Variants in INTS6 observed in about 807,000 individuals in gnomAD.
INTS6 encodes DEAD box protein.
Under a neutral mutation model 104.9 loss-of-function variants are expected in INTS6, and 16 were observed. The observed-to-expected ratio is 0.15, with a 90% CI of 0.10 to 0.23. INTS6 has a LOEUF of 0.23. Among genes scored for constraint, INTS6 ranks in the 10% least tolerant of loss-of-function variants. The pLI is 1.00. For synonymous variants in INTS6, 324 were observed against 358.7 expected (o/e 0.90, Z 1.09); for missense variants, 584 against 1,062.8 (o/e 0.55, Z 6.26).
chr13:51,423,029 C>G, intron 4 of INTS6: 2 of 1,265,950 alleles, frequency 1.6e-6, no homozygotes, highest in Non-Finnish European at 2.1e-6. Flanking sequence ...TATTTACTTG[C>G]CTGTCTTCAA....
At chr13:51,445,835 G>A (rs879623452) in intron 3 of INTS6, 1 of 152,152 alleles carries the variant, frequency 6.6e-6, no homozygotes, top group African/African-American at 2.4e-5. Context: ...AATGGGAAAG[G>A]GCAAGTCTCT....
At chr13:51,420,657 C>G (rs144674904) in intron 4 of INTS6, among the ~76,000 whole-genome samples, 15 of 150,482 alleles carry the variant, frequency 1.0e-4, no homozygotes, top group Admixed American at 3.3e-4. Flanking sequence ...ACAGACAAAG[C>G]AAATGCAAAC....
chr13:51,378,399 T>C lies in INTS6; in HGVS notation c.1442A>G (p.Glu481Gly), dbSNP rs139832932. Reference sequence around the variant, plus strand: ...TCGGCTCCGGACTTTTATTCCAGTCTCCTGTACTACTTTTTTGCCTACAGA... The same window carrying C: ...TCGGCTCCGGACTTTTATTCCAGTCCCCTGTACTACTTTTTTGCCTACAGA... ...IGSVGKKVVQETGIKVRSRSH... is the reference protein window; with the variant it reads ...IGSVGKKVVQGTGIKVRSRSH... Residue 481 changes from glutamate to glycine, a missense_variant, in exon 12 of 18, where the codon GAG becomes GGG. This residue lies in a region of INTS6 where 74 missense variants were observed against 64.4 expected (regional missense o/e 1.15). Transcript: ENST00000311234. The C allele has an allele frequency of 1.3e-5, 21 of 1,613,376 alleles. No homozygotes were observed. In the African/African-American group the frequency reaches 1.9e-4, roughly 14 times the overall value.
At position 51,361,940 on chromosome 13, in the gene INTS6, C is replaced by T. The variant is rs1390789343; in HGVS notation, c.*3812G>A. 1 of 1,611,904 alleles carries T rather than the reference C, an allele frequency of 6.2e-7. No homozygotes were observed. Among genetic ancestry groups the T allele is most frequent in the South Asian group, 1.1e-5 (1 of 90,974 alleles). On this transcript the variant is annotated 3_prime_UTR_variant, in exon 18 of 18. Transcript: ENST00000311234. ...GGATTCAGATAATTTATCAGTGTCT[C>T]TCTAGCAACAAGGGCTCATTTGTCC...
At chr13:51,340,961 C>T in the INTS6 span, 1 of 1,029,876 alleles carries the variant, frequency 9.7e-7, no homozygotes, top group South Asian at 1.6e-5. Context: ...ATCTCTCCCT[C>T]AGCCGTCCCT....
chr13:51,430,098 C>T, intron 4 of INTS6, 196 bp downstream of exon 4: 1 of 478,078 alleles, frequency 2.1e-6, no homozygotes, highest in African/African-American at 2.0e-5. Flanking sequence ...TATGCTCAAA[C>T]ATTTCTCACA....
rs570284795 is a variant in INTS6 at position 51,376,606 on chromosome 13, C to A, written c.1603-432G>T. ...CATCATCATAATCCATTTCCACCAT[C>A]CCCAAGTTTGTTGTACCCACTTGCA... On this transcript the variant is annotated intron_variant, in intron 12 of 17. Coordinates refer to ENST00000311234, the MANE Select transcript of INTS6 (RefSeq NM_012141.3). 5.3e-5 allele frequency among the ~76,000 whole-genome samples: 8 copies of A among 152,266 alleles called. No homozygotes were observed. In the South Asian group the frequency reaches 1.7e-3, roughly 32 times the overall value.
At position 51,428,410 on chromosome 13, in the gene INTS6, C is replaced by T. The variant is rs548409538; in HGVS notation, c.429+1884G>A. ...CACGGTCTCAGCTCACTGCAACCTC[C>T]ACCTCCTGGGTTCAAGTGATTCTCC... On this transcript the variant is annotated intron_variant, in intron 4 of 17. Transcript: ENST00000311234. Among the ~76,000 whole-genome samples the T allele has an allele frequency of 4.0e-5, 6 of 151,448 alleles. No individual in the cohort carries two copies. The East Asian group carries it at 5.8e-4, about 15-fold the overall frequency.
intron 5 of INTS6, among the ~76,000 whole-genome samples, chr13:51,391,382 A>G (rs117291416): frequency 0.011 from 1,731 of 152,322 alleles, 26 homozygotes; most frequent in East Asian, 0.071. Context: ...ACTAATCAGT[A>G]TATTTTACAA....
intron 11 of INTS6, among the ~76,000 whole-genome samples, chr13:51,378,813 T>G (rs1203852590): frequency 6.6e-6 from 1 of 152,092 alleles, no homozygotes; most frequent in Non-Finnish European, 1.5e-5. Flanking sequence ...AAAATCATCA[T>G]TATGTAAGAC....
intron 4 of INTS6, among the ~76,000 whole-genome samples, chr13:51,423,561 G>A (rs1160887861): frequency 2.0e-5 from 3 of 152,128 alleles, no homozygotes; most frequent in Non-Finnish European, 4.4e-5. Flanking sequence ...ACTGTAAGCA[G>A]TAACTGCAGA....
At chr13:51,441,511 T>TA (rs1952796384) in intron 3 of INTS6, 1 of 152,128 alleles carries the variant, frequency 6.6e-6, no homozygotes, top group Admixed American at 6.5e-5. Flanking sequence ...TCTTAAGATA[T>TA]AATGCTTAGA....
At chr13:51,375,108 C>T (rs750888795) in intron 13 of INTS6, among the ~76,000 whole-genome samples, 26 of 151,834 alleles carry the variant, frequency 1.7e-4, no homozygotes, top group Non-Finnish European at 2.4e-4. Flanking sequence ...CCCAGCACTT[C>T]GGGAGGCTGA....
At chr13:51,379,341 G>A (rs1262788122) in intron 11 of INTS6, 121 bp downstream of exon 11, 6 of 448,032 alleles carry the variant, frequency 1.3e-5, no homozygotes, top group Non-Finnish European at 2.4e-5. Context: ...GCTCTAAAAT[G>A]TAATATATTA....
chr13:51,399,397 G>C (rs562750242), intron 4 of INTS6, among the ~76,000 whole-genome samples: 1 of 152,080 alleles, frequency 6.6e-6, no homozygotes, highest in East Asian at 1.9e-4. Flanking sequence ...TGTAGAGAAG[G>C]GATCTTCACC....
chr13:51,421,293 G>A, intron 4 of INTS6: 1 of 985,716 alleles, frequency 1.0e-6, no homozygotes, highest in Non-Finnish European at 1.2e-6. Context: ...GACAGTCAGT[G>A]CACTTTAGCA....
chr13:51,346,094 G>T, the INTS6 span, among the ~76,000 whole-genome samples: 1 of 152,316 alleles, frequency 6.6e-6, no homozygotes, highest in African/African-American at 2.4e-5. Context: ...CTGTTAGGAG[G>T]AGTCGGTGAG....
chr13:51,380,293 T>C (rs1389881823), intron 10 of INTS6, among the ~76,000 whole-genome samples: 1 of 152,140 alleles, frequency 6.6e-6, no homozygotes, highest in Non-Finnish European at 1.5e-5. Context: ...AGAAGTACTT[T>C]ATACGATGAA....
intron 5 of INTS6, among the ~76,000 whole-genome samples, chr13:51,391,451 A>G: frequency 6.6e-6 from 1 of 152,214 alleles, no homozygotes; most frequent in East Asian, 1.9e-4. Context: ...TAATTATTTT[A>G]AAAGTTAAAC....
Sources: allele counts gnomAD v4.1 joint callset (sites outside exome capture counted in the v4.1 genomes callset), GRCh38; gene constraint gnomAD v4.1.1; regional missense constraint gnomAD v4.1.1; transcripts MANE v1.5; gene names NCBI Gene and HGNC (gene_info 2026-07-23, HGNC 2026-07-21).